MSRA: variants seen among roughly 807,000 people sequenced by gnomAD.
The protein encoded by MSRA is mitochondrial peptide methionine sulfoxide reductase.
A neutral mutation model predicts 31.3 loss-of-function variants in MSRA; 54 were observed. The ratio of observed to expected loss-of-function variants is 1.73; its 90% CI spans 1.39 to 2.17. The LOEUF (loss-of-function observed/expected upper bound fraction) is 2.17. MSRA is among the 30% of genes most tolerant of loss of function. The pLI is 0.00. For missense variants in MSRA, 507 were observed against 300.9 expected, an observed-to-expected ratio of 1.69 and a Z score of -5.07; for synonymous variants, 169 against 116.5, an observed-to-expected ratio of 1.45 and a Z score of -2.90.
At chr8:10,136,505 TA>T (rs1802289048) in intron 1 of MSRA, among the ~76,000 whole-genome samples, 1 of 152,230 alleles carries the variant, frequency 6.6e-6, no homozygotes, top group Non-Finnish European at 1.5e-5. Context: ...CCAGTAGCCG[TA>T]TGGAATCATA....
chr8:10,407,129 G>C (rs1032667004), intron 5 of MSRA, among the ~76,000 whole-genome samples: 4 of 152,160 alleles, frequency 2.6e-5, no homozygotes, highest in African/African-American at 9.7e-5. Context: ...TTCCCGCCTC[G>C]GCCTTCTAAA....
chr8:10,424,902 C>T (rs1047383872), intron 5 of MSRA, among the ~76,000 whole-genome samples: 7 of 152,218 alleles, frequency 4.6e-5, no homozygotes, highest in Admixed American at 1.3e-4. Flanking sequence ...GCGGGGCCCA[C>T]CCCGGGGGAC....
intron 1 of MSRA, among the ~76,000 whole-genome samples, chr8:10,093,557 C>G (rs902710998): frequency 6.6e-6 from 1 of 152,074 alleles, no homozygotes; most frequent in Admixed American, 6.5e-5. Context: ...ATGCTTTTGT[C>G]ATTTACATCA....
intron 1 of MSRA, among the ~76,000 whole-genome samples, chr8:10,080,674 C>G (rs908877039): frequency 1.6e-4 from 23 of 148,272 alleles, no homozygotes; most frequent in Non-Finnish European, 2.7e-4. Context: ...TGCAGGCATG[C>G]GTTACCATGC....
chr8:10,250,314 T>G, intron 3 of MSRA: 1 of 645,172 alleles, frequency 1.5e-6, no homozygotes, highest in South Asian at 1.8e-5. Context: ...TGGATAAGCA[T>G]TCTGGGTTAA....
At chr8:10,237,809 A>G (rs906282743) in intron 2 of MSRA, among the ~76,000 whole-genome samples, 2 of 152,184 alleles carry the variant, frequency 1.3e-5, no homozygotes, top group Admixed American at 1.3e-4. Flanking sequence ...TCCAGATTCT[A>G]ATCATGACCC....
rs1357949813 is a variant in MSRA at position 10,428,129 on chromosome 8, C to A, written c.544-19C>A. 3 of 1,605,576 alleles carry A rather than the reference C, an allele frequency of 1.9e-6. No individual in the cohort carries two copies. Among genetic ancestry groups the A allele is most frequent in the Non-Finnish European group, 2.5e-6 (3 of 1,177,174 alleles). ...CTCTCTAGCATGGGAGCTGATGGCG[C>A]CTTTCTGTGTCCCCACAGGTTCTTT... On this transcript the variant is annotated intron_variant, in intron 5 of 5. Coordinates refer to ENST00000317173, the MANE Select transcript of MSRA (RefSeq NM_012331.5).
intron 3 of MSRA, among the ~76,000 whole-genome samples, chr8:10,269,739 C>T (rs1489657739): frequency 1.3e-5 from 2 of 152,204 alleles, no homozygotes; most frequent in Non-Finnish European, 2.9e-5. Context: ...CAAGCTCCAC[C>T]TCCCGGGGTT....
intron 5 of MSRA, among the ~76,000 whole-genome samples, chr8:10,398,101 C>T (rs1019091089): frequency 6.6e-6 from 1 of 152,094 alleles, no homozygotes; most frequent in Admixed American, 6.5e-5. Flanking sequence ...AATTTGGGAC[C>T]CCACTATCCA....
intron 4 of MSRA, among the ~76,000 whole-genome samples, chr8:10,310,165 A>G (rs533677618): frequency 2.0e-5 from 3 of 152,348 alleles, no homozygotes; most frequent in Non-Finnish European, 2.9e-5. Flanking sequence ...ATCATCTGCA[A>G]ATAATTAGAC....
chr8:10,096,650 T>C (rs149627554), intron 1 of MSRA, among the ~76,000 whole-genome samples: 21 of 152,314 alleles, frequency 1.4e-4, no homozygotes, highest in Non-Finnish European at 2.6e-4. Context: ...TTAGAAAGTT[T>C]ACCGATTTTC....
intron 5 of MSRA, among the ~76,000 whole-genome samples, chr8:10,386,339 G>C (rs900629478): frequency 6.6e-6 from 1 of 152,096 alleles, no homozygotes; most frequent in Non-Finnish European, 1.5e-5. Context: ...CTGATCAGAC[G>C]TTAGGAAGAT....
chr8:10,331,665 G>A (rs1168271929), intron 5 of MSRA, among the ~76,000 whole-genome samples: 4 of 152,024 alleles, frequency 2.6e-5, no homozygotes, highest in African/African-American at 4.8e-5. Flanking sequence ...GTCATCCTTC[G>A]GTATCCAATG....
chr8:10,149,537 C>T (rs1353881207), intron 1 of MSRA, among the ~76,000 whole-genome samples: 5 of 152,110 alleles, frequency 3.3e-5, no homozygotes, highest in South Asian at 2.1e-4. Flanking sequence ...ATCGCCACCT[C>T]GTGATACTTG....
chr8:10,309,528 G>C (rs904585714), intron 4 of MSRA, among the ~76,000 whole-genome samples: 31 of 152,076 alleles, frequency 2.0e-4, no homozygotes, highest in African/African-American at 7.5e-4. Context: ...CCTATTCTTG[G>C]TTCACACCCT....
intron 1 of MSRA, among the ~76,000 whole-genome samples, chr8:10,135,947 C>A (rs1802239751): frequency 6.6e-6 from 1 of 152,140 alleles, no homozygotes; most frequent in African/African-American, 2.4e-5. Flanking sequence ...CCAGAAGGAT[C>A]CTTGGGGGCT....
intron 3 of MSRA, among the ~76,000 whole-genome samples, chr8:10,249,332 C>G (rs1328435998): frequency 6.6e-6 from 1 of 152,154 alleles, no homozygotes; most frequent in Non-Finnish European, 1.5e-5. Context: ...ACAGGTCATT[C>G]TCTCCAAATT....
chr8:10,157,074 G>C (rs997757248), intron 1 of MSRA, among the ~76,000 whole-genome samples: 1 of 151,714 alleles, frequency 6.6e-6, no homozygotes, highest in African/African-American at 2.4e-5. Context: ...TGAATACATC[G>C]TAGATTTGAA....
chr8:10,286,925 G>A (rs369918728), intron 3 of MSRA, among the ~76,000 whole-genome samples: 139 of 152,350 alleles, frequency 9.1e-4, no homozygotes, highest in East Asian at 3.3e-3. Flanking sequence ...CCTTTTTGGC[G>A]TTTTTATTAT....
Sources: allele counts gnomAD v4.1 joint callset (sites outside exome capture counted in the v4.1 genomes callset), GRCh38; gene constraint gnomAD v4.1.1; transcripts MANE v1.5; gene names NCBI Gene and HGNC (gene_info 2026-07-23, HGNC 2026-07-21).